Variants in ALG14 observed in about 807,000 individuals in gnomAD.
The protein encoded by ALG14 is UDP-N-acetylglucosamine transferase subunit ALG14.
A neutral mutation model predicts 22.8 loss-of-function variants in ALG14; 17 were observed. The ratio of observed to expected loss-of-function variants is 0.75; its 90% CI spans 0.51 to 1.12. The LOEUF (loss-of-function observed/expected upper bound fraction) is 1.12, where lower values mean the gene tolerates loss of function less well. ALG14 is among the 50% of genes most tolerant of loss of function. The pLI, the probability that ALG14 is intolerant of heterozygous loss-of-function variation, is 0.00. For missense variants in ALG14, 288 were observed against 271.8 expected (o/e 1.06, Z -0.42); for synonymous variants, 89 against 103.7 (o/e 0.86, Z 0.86).
intron 3 of ALG14, among the ~76,000 whole-genome samples, chr1:95,011,370 T>C (rs1673355643): frequency 6.6e-6 from 1 of 152,094 alleles, no homozygotes; most frequent in African/African-American, 2.4e-5. Flanking sequence ...TCAAATGGGA[T>C]GACGCCTTAA....
At position 95,030,736 on chromosome 1, in the gene ALG14, G is replaced by A. The variant is rs147284224; in HGVS notation, c.289-3476C>T. ...AGCCTGGTAAAGCCTATGCAAGAGC[G>A]TCTGGGGCTGGAGATAGCTTTCCTA... On this transcript the variant is annotated intron_variant, in intron 2 of 3. Coordinates refer to ENST00000370205, the MANE Select transcript of ALG14 (RefSeq NM_144988.4). 1.9e-3 allele frequency among the ~76,000 whole-genome samples: 293 copies of A among 152,300 alleles called. 5 individuals are homozygous for A. The East Asian group carries it at 0.051, about 27-fold the overall frequency.
intron 3 of ALG14, among the ~76,000 whole-genome samples, chr1:94,986,368 G>A (rs1018001007): frequency 6.6e-6 from 1 of 152,180 alleles, no homozygotes; most frequent in Non-Finnish European, 1.5e-5. Flanking sequence ...AGTATAGAAG[G>A]AGTGGGTCTT....
intron 2 of ALG14, among the ~76,000 whole-genome samples, chr1:95,057,443 G>C (rs890774108): frequency 1.1e-4 from 16 of 151,598 alleles, no homozygotes; most frequent in Non-Finnish European, 1.9e-4. Context: ...ACTGTATTAG[G>C]TATTATAAAT....
In ALG14 at chr1:94,979,975, A is replaced by T. The variant is rs1254192483; in HGVS notation, c.*3101T>A. 6.6e-6 allele frequency: 1 copy of T among 152,168 alleles called. No homozygotes were observed. The highest frequency in any genetic ancestry group is 1.5e-5 in the Non-Finnish European group (1 of 68,024). 9.4% of individuals were successfully genotyped at this position (152,168 alleles called of 1,614,324 possible). ...TGTAGGGAGAAGGACAATTTTCTTT[A>T]ACACTTACAATGATGTTCTTATTGT... On this transcript the variant is annotated 3_prime_UTR_variant, in exon 4 of 4. Transcript: ENST00000370205.
chr1:95,041,591 G>A (rs904568059), intron 2 of ALG14: 3 of 150,666 alleles, frequency 2.0e-5, no homozygotes, highest in Admixed American at 6.6e-5. Context: ...CCCCAGCCTG[G>A]GCAGACAGTG....
intron 3 of ALG14, among the ~76,000 whole-genome samples, chr1:94,987,558 A>G (rs1011885982): frequency 1.3e-5 from 2 of 152,246 alleles, no homozygotes; most frequent in African/African-American, 4.8e-5. Flanking sequence ...AAGGATCAAG[A>G]GCAGTTTCAA....
chr1:95,012,015 A>G (rs1673377711), intron 3 of ALG14, among the ~76,000 whole-genome samples: 1 of 152,070 alleles, frequency 6.6e-6, no homozygotes. Context: ...TTTCCCCCAT[A>G]TTGTTCTCGT....
intron 3 of ALG14, among the ~76,000 whole-genome samples, chr1:95,009,103 C>G (rs922036745): frequency 1.3e-5 from 2 of 151,980 alleles, no homozygotes; most frequent in African/African-American, 4.8e-5. Flanking sequence ...AATAATGCTG[C>G]TATGAATACT....
chr1:94,978,179 C>A lies in ALG14; in HGVS notation c.*4897G>T, dbSNP rs1041368661. On this transcript the variant is annotated 3_prime_UTR_variant, in exon 4 of 4. Coordinates refer to ENST00000370205, the MANE Select transcript of ALG14 (RefSeq NM_144988.4). ...CCCTGGTTCAAGCAATTATTTGCCT[C>A]AGCCTCCCAAGTAGCTGGAATTACA... The A allele has an allele frequency of 6.6e-6, 1 of 151,944 alleles. No homozygotes were observed. The allele number at this position is 151,944 out of a possible 1,614,324, so 9.4% of individuals were successfully genotyped here.
Position 94,981,515 on chromosome 1 carries a change from T to C in ALG14, c.*1561A>G, listed in dbSNP as rs943679070. On this transcript the variant is annotated 3_prime_UTR_variant, in exon 4 of 4. Coordinates refer to ENST00000370205, the MANE Select transcript of ALG14 (RefSeq NM_144988.4). ...GGCTGGATCAGCCTCAGGATTTTAA[T>C]CTTACATGATCGTGGATAATCATGT... 1 of 150,412 alleles carries C rather than the reference T, an allele frequency of 6.6e-6. No homozygotes were observed. The highest frequency in any genetic ancestry group is 2.4e-5 in the African/African-American group (1 of 41,066). The allele number at this position is 150,412 out of a possible 1,614,324, so 9.3% of individuals were successfully genotyped here. A position where few individuals can be genotyped will look rare whatever the true frequency, so the allele number is the denominator to read the frequency against.
intron 3 of ALG14, among the ~76,000 whole-genome samples, chr1:94,996,716 T>C (rs1161505406): frequency 6.6e-6 from 1 of 152,088 alleles, no homozygotes; most frequent in East Asian, 1.9e-4. Flanking sequence ...AGTTTTACTC[T>C]TGTCACCCAG....
chr1:94,983,836 G>A (rs1672568846), intron 3 of ALG14, among the ~76,000 whole-genome samples: 2 of 151,792 alleles, frequency 1.3e-5, no homozygotes, highest in Non-Finnish European at 2.9e-5. Context: ...CTGCCTCCCG[G>A]GTTCAAGCGA....
intron 3 of ALG14, among the ~76,000 whole-genome samples, chr1:94,984,566 T>C (rs1303412639): frequency 2.0e-5 from 3 of 152,250 alleles, no homozygotes; most frequent in South Asian, 4.1e-4. Context: ...CAAAGCTCTC[T>C]ACCTACCATC....
In ALG14 at chr1:95,022,297, T is replaced by C. The variant is rs944789466; in HGVS notation, c.420+4832A>G. 8.1e-6 allele frequency: 8 copies of C among 985,034 alleles called. No homozygotes were observed. In the African/African-American group the frequency reaches 1.4e-4, roughly 17 times the overall value. The allele number at this position is 985,034 out of a possible 1,614,324, so 61.0% of individuals were successfully genotyped here. On this transcript the variant is annotated intron_variant, in intron 3 of 3. Coordinates refer to ENST00000370205, the MANE Select transcript of ALG14 (RefSeq NM_144988.4). ...ACATTTAAACTAAATACCTCATTTATGGATGGAAGCAGCTACAGGTTGTCA... is the reference window on the plus strand; with the variant it reads ...ACATTTAAACTAAATACCTCATTTACGGATGGAAGCAGCTACAGGTTGTCA...
At chr1:94,990,966 A>G (rs1306650390) in intron 3 of ALG14, among the ~76,000 whole-genome samples, 1 of 152,210 alleles carries the variant, frequency 6.6e-6, no homozygotes, top group African/African-American at 2.4e-5. Context: ...CTTGTTGTGC[A>G]TTGACATAAT....
At chr1:94,998,255 T>C (rs1452968836) in intron 3 of ALG14, among the ~76,000 whole-genome samples, 2 of 152,210 alleles carry the variant, frequency 1.3e-5, no homozygotes, top group Non-Finnish European at 2.9e-5. Context: ...AAGTGCCATG[T>C]AGCCTTCTAT....
At position 95,027,195 on chromosome 1, in the gene ALG14, G is replaced by A. The variant is rs372809921; in HGVS notation, c.354C>T (p.Thr118=). 88 of 1,614,042 alleles carry A rather than the reference G, an allele frequency of 5.5e-5. No individual in the cohort carries two copies. Among genetic ancestry groups the A allele is most frequent in the African/African-American group, 3.3e-4 (25 of 74,922 alleles). The part of the protein sequence containing the change: ...SREVQQSWPS[T]VFTTLHSMWL... ...ACATGGAGTGCAAGGTGGTGAAAAC[G>A]GTGGAGGGCCAGGACTGCTGAACCT... Residue 118 remains threonine (T), a synonymous_variant, in exon 3 of 4, where the codon ACC becomes ACT. Coordinates refer to ENST00000370205, the MANE Select transcript of ALG14 (RefSeq NM_144988.4).
Position 94,978,054 on chromosome 1 carries a change from G to A in ALG14, c.*5022C>T, listed in dbSNP as rs570936987. On this transcript the variant is annotated 3_prime_UTR_variant, in exon 4 of 4. Coordinates refer to ENST00000370205, the MANE Select transcript of ALG14 (RefSeq NM_144988.4). ...TGAAGTGAGCCTAGACAAGTCTGAA[G>A]CTATAATTTTTTTCTTTTTTTTTTT... 65 of 150,882 alleles carry A rather than the reference G, an allele frequency of 4.3e-4. No individual in the cohort carries two copies. Among genetic ancestry groups the A allele is most frequent in the African/African-American group, 1.6e-3 (64 of 41,092 alleles). 9.3% of individuals were successfully genotyped at this position (150,882 alleles called of 1,614,324 possible).
At chr1:95,016,232 C>G (rs1282145060) in intron 3 of ALG14, among the ~76,000 whole-genome samples, 1 of 152,120 alleles carries the variant, frequency 6.6e-6, no homozygotes, top group Non-Finnish European at 1.5e-5. Flanking sequence ...GTTGTGTGGT[C>G]AGAGAGCTGA....
Sources: allele counts gnomAD v4.1 joint callset (sites outside exome capture counted in the v4.1 genomes callset), GRCh38; gene constraint gnomAD v4.1.1; transcripts MANE v1.5; gene names NCBI Gene and HGNC (gene_info 2026-07-23, HGNC 2026-07-21).